DLC1: variants seen among roughly 807,000 people sequenced by gnomAD.
DLC1 encodes the protein rho GTPase-activating protein 7.
In DLC1, 54 loss-of-function variants were observed where a neutral mutation model predicts 140.3. The observed-to-expected ratio is 0.38, with a 90% CI of 0.31 to 0.48. DLC1 has a LOEUF of 0.48. Among genes scored for constraint, DLC1 ranks in the 20% least tolerant of loss-of-function variants. The pLI, the probability that DLC1 is intolerant of heterozygous loss-of-function variation, is 0.96. For synonymous variants in DLC1, 986 were observed against 728.1 expected, an observed-to-expected ratio of 1.35 and a Z score of -5.70; for missense variants, 2,536 against 1,907.0, an observed-to-expected ratio of 1.33 and a Z score of -6.14.
chr8:13,277,233 G>A (rs1184441903), intron 5 of DLC1, among the ~76,000 whole-genome samples: 1 of 152,126 alleles, frequency 6.6e-6, no homozygotes, highest in Non-Finnish European at 1.5e-5. Flanking sequence ...AATCGCTTGA[G>A]CCCAGGAGTT....
chr8:13,194,257 A>G (rs1235388432), intron 5 of DLC1, among the ~76,000 whole-genome samples: 1 of 152,234 alleles, frequency 6.6e-6, no homozygotes, highest in East Asian at 1.9e-4. Flanking sequence ...TGCTTTTGCA[A>G]TCAGAACAGC....
intron 5 of DLC1, among the ~76,000 whole-genome samples, chr8:13,277,052 G>A (rs942356315): frequency 1.3e-5 from 2 of 152,198 alleles, no homozygotes; most frequent in African/African-American, 4.8e-5. Flanking sequence ...GGCCAGCACT[G>A]TGGCTCACGC....
chr8:13,271,455 C>T (rs1422979222), intron 5 of DLC1, among the ~76,000 whole-genome samples: 1 of 152,164 alleles, frequency 6.6e-6, no homozygotes, highest in Non-Finnish European at 1.5e-5. Flanking sequence ...ACTCATTTTG[C>T]TAGTGAATTG....
At chr8:13,559,536 T>C (rs1430535646) in intron 1 of DLC1, 1 of 152,212 alleles carries the variant, frequency 6.6e-6, no homozygotes, top group Non-Finnish European at 1.5e-5. Flanking sequence ...ATAAAATAAT[T>C]TGCAATTTCC....
intron 5 of DLC1, among the ~76,000 whole-genome samples, chr8:13,203,036 C>G (rs1827480735): frequency 1.3e-5 from 2 of 152,130 alleles, no homozygotes; most frequent in Non-Finnish European, 2.9e-5. Context: ...TTTAGTCAGT[C>G]TTTCATGAAA....
At chr8:13,248,038 G>T (rs1829837992) in intron 5 of DLC1, among the ~76,000 whole-genome samples, 1 of 152,210 alleles carries the variant, frequency 6.6e-6, no homozygotes, top group Admixed American at 6.5e-5. Flanking sequence ...CACAGTGCAA[G>T]TTATTTGGAA....
At chr8:13,124,574 C>G (rs1821394924) in intron 5 of DLC1, among the ~76,000 whole-genome samples, 1 of 152,220 alleles carries the variant, frequency 6.6e-6, no homozygotes, top group Admixed American at 6.5e-5. Context: ...TGGAGTCCTT[C>G]TGATACTCTA....
At chr8:13,505,009 A>G (rs1019649628) in intron 1 of DLC1, among the ~76,000 whole-genome samples, 1 of 152,196 alleles carries the variant, frequency 6.6e-6, no homozygotes, top group Non-Finnish European at 1.5e-5. Flanking sequence ...TAAATTATAT[A>G]TGACATATTG....
intron 4 of DLC1, among the ~76,000 whole-genome samples, chr8:13,319,943 C>T (rs534463407): frequency 4.0e-5 from 6 of 149,246 alleles, no homozygotes; most frequent in African/African-American, 1.2e-4. Flanking sequence ...CTGTCTCAGC[C>T]TCCCAAGTAG....
intron 5 of DLC1, among the ~76,000 whole-genome samples, chr8:13,273,971 A>G (rs1402065415): frequency 6.6e-6 from 1 of 152,144 alleles, no homozygotes; most frequent in Non-Finnish European, 1.5e-5. Context: ...TCTTCCAGAG[A>G]CTTAAAAAAC....
intron 4 of DLC1, among the ~76,000 whole-genome samples, chr8:13,314,002 G>A (rs1310405274): frequency 6.6e-6 from 1 of 151,960 alleles, no homozygotes; most frequent in Non-Finnish European, 1.5e-5. Flanking sequence ...GGAGCAGCAG[G>A]ACCTGAGGGC....
intron 5 of DLC1, among the ~76,000 whole-genome samples, chr8:13,137,604 T>G (rs1006121147): frequency 3.3e-5 from 2 of 60,764 alleles, no homozygotes; most frequent in African/African-American, 1.2e-4. Flanking sequence ...TTTGGTTTTG[T>G]TTTTTTTTTT....
At chr8:13,231,210 C>G (rs1585965369) in intron 5 of DLC1, among the ~76,000 whole-genome samples, 1 of 150,906 alleles carries the variant, frequency 6.6e-6, no homozygotes, top group Non-Finnish European at 1.5e-5. Flanking sequence ...TAAATCCTGA[C>G]AGGAAGATGA....
At chr8:13,272,764 C>T (rs1830993238) in intron 5 of DLC1, among the ~76,000 whole-genome samples, 1 of 152,112 alleles carries the variant, frequency 6.6e-6, no homozygotes, top group Non-Finnish European at 1.5e-5. Flanking sequence ...GTCCCAGCTG[C>T]TCGGGAGGCT....
intron 7 of DLC1, 75 bp downstream of exon 7, chr8:13,110,667 C>T: frequency 1.4e-6 from 2 of 1,409,214 alleles, no homozygotes; most frequent in African/African-American, 1.4e-5. Context: ...CAAAAGCAAA[C>T]AAAGCCTATC....
intron 1 of DLC1, among the ~76,000 whole-genome samples, chr8:13,588,684 A>G (rs902231925): frequency 1.3e-5 from 2 of 152,168 alleles, no homozygotes; most frequent in African/African-American, 4.8e-5. Context: ...TTGGCTCAAT[A>G]TAAGACAATT....
chr8:13,446,739 G>C (rs1025826746), intron 2 of DLC1, among the ~76,000 whole-genome samples: 2 of 152,074 alleles, frequency 1.3e-5, no homozygotes, highest in African/African-American at 4.8e-5. Context: ...TCAGGAGTTC[G>C]AGACCAGCCT....
Position 13,085,676 on chromosome 8 carries a change from C to T in DLC1, c.*135G>A, listed in dbSNP as rs372751877. 87 of 1,346,670 alleles carry T rather than the reference C, an allele frequency of 6.5e-5. 1 individual carries two copies. In the African/African-American group the frequency reaches 1.0e-3, roughly 15 times the overall value. The allele number at this position is 1,346,670 out of a possible 1,614,324, so 83.4% of individuals were successfully genotyped here. ...GCAGCTTTAAAAATGTATCAAATTG[C>T]TATAGTCAATTCCTACACTCCAGCT... On this transcript the variant is annotated 3_prime_UTR_variant, in exon 18 of 18. Coordinates refer to ENST00000276297, the MANE Select transcript of DLC1 (RefSeq NM_182643.3).
chr8:13,575,772 G>T (rs921965688), intron 1 of DLC1, among the ~76,000 whole-genome samples: 2 of 152,194 alleles, frequency 1.3e-5, no homozygotes, highest in African/African-American at 2.4e-5. Flanking sequence ...TTGTTTGAGA[G>T]CCCAGCATTG....
Sources: gnomAD v4.1 joint callset for allele counts (sites outside exome capture counted in the v4.1 genomes callset) on GRCh38, gnomAD v4.1.1 for gene constraint, MANE v1.5 for transcripts, NCBI Gene and HGNC (gene_info 2026-07-23, HGNC 2026-07-21) for gene names.